STAB1: variants seen among roughly 807,000 people sequenced by gnomAD.
STAB1 encodes the protein stabilin 1, also known as stabilin-1.
A neutral mutation model predicts 332.4 loss-of-function variants in STAB1; 250 were observed. The ratio of observed to expected loss-of-function variants is 0.75; its 90% CI spans 0.68 to 0.84. The LOEUF is 0.84. Among genes scored for constraint, STAB1 ranks in the 40% least tolerant of loss-of-function variants. The pLI is 0.00. For synonymous variants in STAB1, 1,475 were observed against 1,390.4 expected (o/e 1.06, Z -1.35); for missense variants, 3,249 against 3,489.7 (o/e 0.93, Z 1.74).
At position 52,518,410 on chromosome 3, in the gene STAB1, G is replaced by A. The variant is rs138388765; in HGVS notation, c.4809+51G>A. The A allele has an allele frequency of 8.7e-5, 139 of 1,597,734 alleles. No individual in the cohort carries two copies. The African/African-American group carries it at 1.7e-3, about 19-fold the overall frequency. ...GACCTGCAAGTCCCACCCCTCTCTG[G>A]ACTTCTGTCCCCATCTGGTCAGGGG... On this transcript the variant is annotated intron_variant, in intron 46 of 68. Coordinates refer to ENST00000321725, the MANE Select transcript of STAB1 (RefSeq NM_015136.3).
intron 1 of STAB1, among the ~76,000 whole-genome samples, chr3:52,497,710 G>A (rs1205312704): frequency 6.6e-6 from 1 of 152,118 alleles, no homozygotes; most frequent in African/African-American, 2.4e-5. Context: ...ACCACTCCCA[G>A]CCTCGATTCC....
intron 10 of STAB1, 80 bp downstream of exon 10, chr3:52,504,235 A>G (rs1236213274): frequency 2.6e-6 from 4 of 1,525,644 alleles, no homozygotes; most frequent in Non-Finnish European, 3.5e-6. Context: ...CTGCCTCTGC[A>G]GATTCCAGTT....
intron 2 of STAB1, 35 bp from the exon 3 acceptor site, chr3:52,501,603 C>A (rs199948780): frequency 6.5e-7 from 1 of 1,528,528 alleles, no homozygotes; most frequent in Non-Finnish European, 8.9e-7. Context: ...TGCAAGGGAG[C>A]CTTTTCCATC....
In STAB1 at chr3:52,514,375, C is replaced by A; in HGVS notation, c.3557C>A (p.Thr1186Lys). 6.5e-7 allele frequency: 1 copy of A among 1,539,032 alleles called. No individual in the cohort carries two copies. Among genetic ancestry groups the A allele is most frequent in the Non-Finnish European group, 8.8e-7 (1 of 1,141,280 alleles). ...QGNSSHLDAD[T>K]VRHHVVLGEA... is the part of the protein sequence containing the mutation. ...CTCCTTCTCTTCCAGGACGCAGACA[C>A]AGTGCGGCACCATGTGGTCCTGGGG... Residue 1186 changes from threonine to lysine, a missense_variant, in exon 34 of 69, where the codon ACA becomes AAA. Physicochemically the swap from Thr to Lys is moderately conservative, Grantham distance 78. Transcript: ENST00000321725.
rs1293696451 is a variant in STAB1 at position 52,504,168 on chromosome 3, AC to A, written c.1150+14del. 1.9e-6 allele frequency: 3 copies of A among 1,581,094 alleles called. No homozygotes were observed. The East Asian group carries it at 6.9e-5, about 36-fold the overall frequency. On this transcript the variant is annotated intron_variant, in intron 10 of 68. Coordinates refer to ENST00000321725, the MANE Select transcript of STAB1 (RefSeq NM_015136.3). ...GTGGCCATGATGGGTGCGTGACCCCACTGCTTGCCCACGACCCGACCCCTCA... is the reference window on the plus strand; with the variant it reads ...GTGGCCATGATGGGTGCGTGACCCCATGCTTGCCCACGACCCGACCCCTCA...
Position 52,520,977 on chromosome 3 carries a change from C to T in STAB1, c.5880C>T (p.Cys1960=), listed in dbSNP as rs1401626564. 6.4e-7 allele frequency: 1 copy of T among 1,566,214 alleles called. No individual in the cohort carries two copies. Among genetic ancestry groups the T allele is most frequent in the Non-Finnish European group, 8.6e-7 (1 of 1,156,970 alleles). Reference sequence around the variant, plus strand: ...CCACCACCTGGAAGCCCAGCTGCTGCCCTGGTCACTATGGCAGTGAGTGCC... The same window carrying T: ...CCACCACCTGGAAGCCCAGCTGCTGTCCTGGTCACTATGGCAGTGAGTGCC... ...CVTTTWKPSC[C]PGHYGSECQA... The change falls in exon 55 of 69, where the codon TGC becomes TGT. Residue 1960 remains cysteine, a synonymous_variant. Transcript: ENST00000321725.
At position 52,511,733 on chromosome 3, in the gene STAB1, C is replaced by T; in HGVS notation, c.2871C>T (p.Gly957=). The T allele has an allele frequency of 6.3e-7, 1 of 1,590,346 alleles. No individual in the cohort carries two copies. The highest frequency in any genetic ancestry group is 8.6e-7 in the Non-Finnish European group (1 of 1,166,324). ...ACCCCTGCCGGGCAGGCAATGGCGG[C>T]TGCCACGGCCTGGTAAGGGGGTGCA... is the stretch of plus-strand genomic sequence containing the variant. ...PIDPCRAGNG[G]CHGLATCRAV... The change falls in exon 26 of 69, where the codon GGC becomes GGT. Residue 957 remains glycine (G), a synonymous_variant. Coordinates refer to ENST00000321725, the MANE Select transcript of STAB1 (RefSeq NM_015136.3).
chr3:52,513,661 A>G, intron 30 of STAB1, 56 bp from the exon 31 acceptor site: 2 of 1,558,506 alleles, frequency 1.3e-6, no homozygotes, highest in Non-Finnish European at 1.7e-6. Context: ...GGGCTGCCCC[A>G]CCTTTAAGGG....
At chr3:52,519,674 G>C in intron 50 of STAB1, 110 bp downstream of exon 50, 5 of 1,434,946 alleles carry the variant, frequency 3.5e-6, no homozygotes, top group South Asian at 1.3e-5. Context: ...ACACTGTCCC[G>C]TGTGAGCCTG....
chr3:52,514,385 C>T lies in STAB1; in HGVS notation c.3567C>T (p.His1189=), dbSNP rs1709525362. Reference sequence around the variant, plus strand: ...TCCAGGACGCAGACACAGTGCGGCACCATGTGGTCCTGGGGGAGGCCCTCT... The same window carrying T: ...TCCAGGACGCAGACACAGTGCGGCATCATGTGGTCCTGGGGGAGGCCCTCT... ...SSHLDADTVR[H]HVVLGEALSM... is the part of the protein sequence containing the mutation. Residue 1189 remains histidine, a synonymous_variant, in exon 34 of 69, where the codon CAC becomes CAT. Transcript: ENST00000321725. 5 of 1,549,516 alleles carry T rather than the reference C, an allele frequency of 3.2e-6. No homozygotes were observed. In the South Asian group the frequency reaches 5.0e-5, roughly 15 times the overall value.
At position 52,502,221 on chromosome 3, in the gene STAB1, C is replaced by T; in HGVS notation, c.480C>T (p.Cys160=). ...ACCCCAACCGGTTCGGGCCTGACTG[C>T]CAATCGGGTGAGTGCTTAAAAGGCA... ...CQDPNRFGPD[C]QSVCSCVHGV... Residue 160 remains cysteine, a synonymous_variant, in exon 5 of 69, where the codon TGC becomes TGT. Transcript: ENST00000321725. 6.2e-7 allele frequency: 1 copy of T among 1,611,838 alleles called. No individual in the cohort carries two copies. The highest frequency in any genetic ancestry group is 8.5e-7 in the Non-Finnish European group (1 of 1,179,982).
Position 52,522,702 on chromosome 3 carries a change from A to G in STAB1, c.6744+14A>G. 1 of 1,612,892 alleles carries G rather than the reference A, an allele frequency of 6.2e-7. No homozygotes were observed. The highest frequency in any genetic ancestry group is 8.5e-7 in the Non-Finnish European group (1 of 1,179,988). ...GCTGCCCAGCAGGTGTGTGGGGCCC[A>G]GAAGTTGGGGCCAAGTGTTGGGGGA... is the stretch of plus-strand genomic sequence containing the variant. On this transcript the variant is annotated intron_variant, in intron 61 of 68. Coordinates refer to ENST00000321725, the MANE Select transcript of STAB1 (RefSeq NM_015136.3).
chr3:52,523,009 C>T lies in STAB1; in HGVS notation c.6911-16C>T, dbSNP rs373107428. ...TCCCACCAATCTGCTGAGCCACTGA[C>T]CTGCTTTTCCTGCAGATGTGGCCTG... On this transcript the variant is annotated splice_polypyrimidine_tract_variant and intron_variant, in intron 62 of 68. Transcript: ENST00000321725. 9.3e-5 allele frequency: 148 copies of T among 1,584,796 alleles called. No homozygotes were observed. Among genetic ancestry groups the T allele is most frequent in the Non-Finnish European group, 1.3e-4 (146 of 1,161,924 alleles).
At chr3:52,512,777 T>C in intron 28 of STAB1, 51 bp from the exon 29 acceptor site, 2 of 1,605,582 alleles carry the variant, frequency 1.2e-6, no homozygotes, top group Non-Finnish European at 8.5e-7. Context: ...GATCTGAAGA[T>C]GATGGCTGCC....
At chr3:52,512,247 G>T in intron 26 of STAB1, 94 bp from the exon 27 acceptor site, 1 of 1,214,300 alleles carries the variant, frequency 8.2e-7, no homozygotes, top group South Asian at 1.2e-5. Flanking sequence ...GCAGGGGCTG[G>T]GGCTGGGTGG....
chr3:52,524,340 T>G lies in STAB1; in HGVS notation c.7697T>G (p.Ile2566Ser). 2 of 1,613,840 alleles carry G rather than the reference T, an allele frequency of 1.2e-6. No individual in the cohort carries two copies. Among genetic ancestry groups the G allele is most frequent in the Non-Finnish European group, 1.7e-6 (2 of 1,180,008 alleles). Residue 2566 changes from isoleucine to serine, a missense_variant, in exon 69 of 69, where the codon ATC becomes AGC. By Grantham distance (142) the Ile-to-Ser change is moderately radical (BLOSUM62 -2). Transcript: ENST00000321725. Reference protein sequence around the residue: ...LEEDFPDTQRILTVK With the variant: ...LEEDFPDTQRSLTVK ...GAGGACTTCCCTGACACCCAGAGGA[T>G]CCTCACAGTCAAGTGACGAGGCTGG...
In STAB1 at chr3:52,503,827, G is replaced by A; in HGVS notation, c.947G>A (p.Gly316Asp). The change falls in exon 9 of 69, where the codon GGC (glycine) becomes GAC (aspartate). Residue 316 changes from glycine to aspartate, a missense_variant. Physicochemically the swap from Gly to Asp is moderately conservative, Grantham distance 94. Transcript: ENST00000321725. The stretch of plus-strand genomic sequence containing the variant: ...AGCATCAACAGCAACGCTTCTGCGG[G>A]CTGCTTCGCCTTCTGCTCCCCCTTC... ...LVSINSNASA[G>D]CFAFCSPFSC... The A allele has an allele frequency of 1.2e-6, 2 of 1,613,226 alleles. No homozygotes were observed. The highest frequency in any genetic ancestry group is 1.7e-6 in the Non-Finnish European group (2 of 1,180,016).
chr3:52,517,740 T>C, intron 44 of STAB1, 116 bp downstream of exon 44: 1 of 1,553,934 alleles, frequency 6.4e-7, no homozygotes, highest in Non-Finnish European at 8.7e-7. Flanking sequence ...TGGGCTATCC[T>C]CCCGTCAAGC....
chr3:52,518,905 G>GT, intron 48 of STAB1, 36 bp downstream of exon 48: 2 of 1,085,298 alleles, frequency 1.8e-6, no homozygotes, highest in Non-Finnish European at 2.4e-6. Context: ...GCTCCATCCC[G>GT]CCCCGCCCCG....
Sources: gnomAD v4.1 joint callset for allele counts (sites outside exome capture counted in the v4.1 genomes callset) on GRCh38, gnomAD v4.1.1 for gene constraint, MANE v1.5 for transcripts, NCBI Gene and HGNC (gene_info 2026-07-23, HGNC 2026-07-21) for gene names.